Variants in MOXD1 observed in about 807,000 individuals in gnomAD.
The protein encoded by MOXD1 is monooxygenase DBH like 1, also known as DBH-like monooxygenase protein 1.
In MOXD1, 62 loss-of-function variants were observed where a neutral mutation model predicts 66.6. The observed-to-expected ratio is 0.93, with a 90% CI of 0.76 to 1.15. MOXD1 has a LOEUF of 1.15. MOXD1 is among the 50% of genes most tolerant of loss of function. MOXD1 has a pLI of 0.00. For synonymous variants in MOXD1, 303 were observed against 281.9 expected, an observed-to-expected ratio of 1.07 and a Z score of -0.75; for missense variants, 847 against 754.6, an observed-to-expected ratio of 1.12 and a Z score of -1.44.
chr6:132,309,531 A>G (rs1774776039), intron 10 of MOXD1, among the ~76,000 whole-genome samples: 1 of 152,242 alleles, frequency 6.6e-6, no homozygotes, highest in South Asian at 2.1e-4. Flanking sequence ...TTTAAATTTC[A>G]TATGGAATCA....
intron 4 of MOXD1, among the ~76,000 whole-genome samples, chr6:132,362,515 A>T (rs906908357): frequency 6.6e-6 from 1 of 152,156 alleles, no homozygotes; most frequent in Non-Finnish European, 1.5e-5. Context: ...AGATGCCAAC[A>T]CTTCTAGTTT....
chr6:132,359,441 A>G (rs954399427), intron 4 of MOXD1, among the ~76,000 whole-genome samples: 3 of 145,688 alleles, frequency 2.1e-5, no homozygotes, highest in South Asian at 2.2e-4. Context: ...TTTTATTTCT[A>G]TTTTAGAGAA....
chr6:132,309,320 G>A (rs537900473), intron 10 of MOXD1, among the ~76,000 whole-genome samples: 1 of 152,268 alleles, frequency 6.6e-6, no homozygotes, highest in African/African-American at 2.4e-5. Flanking sequence ...CAAGGGATGT[G>A]AAGGACCTCT....
chr6:132,328,114 C>A lies in MOXD1; in HGVS notation c.845G>T (p.Gly282Val). 6.2e-7 allele frequency: 1 copy of A among 1,611,632 alleles called. No individual in the cohort carries two copies. The highest frequency in any genetic ancestry group is 8.5e-7 in the Non-Finnish European group (1 of 1,178,030). The part of the protein sequence containing the change: ...VIFAWAIGGE[G>V]FSYPPHVGLS... ...TCCAACATGAGGTGGATAAGAAAAG[C>A]CCTAAATATGGAAAATGCCATGAGA... Residue 282 changes from glycine to valine, a missense_variant and splice_region_variant, in exon 6 of 12, where the codon GGC becomes GTC. Gly to Val is a moderately radical substitution (Grantham distance 109). Transcript: ENST00000367963.
At chr6:132,331,979 C>A (rs1775329083) in intron 4 of MOXD1, among the ~76,000 whole-genome samples, 2 of 152,124 alleles carry the variant, frequency 1.3e-5, no homozygotes, top group African/African-American at 4.8e-5. Flanking sequence ...TAGCAGGGAC[C>A]ACCACATGCA....
chr6:132,345,220 A>C (rs1014763419), intron 4 of MOXD1, among the ~76,000 whole-genome samples: 2 of 152,196 alleles, frequency 1.3e-5, no homozygotes, highest in African/African-American at 4.8e-5. Context: ...TAAAAGCCTA[A>C]AATAATATTT....
intron 10 of MOXD1, among the ~76,000 whole-genome samples, chr6:132,299,272 TAGAG>T (rs1240782456): frequency 6.6e-6 from 1 of 151,252 alleles, no homozygotes; most frequent in Admixed American, 6.6e-5. Flanking sequence ...TGGGAACTAC[TAGAG>T]AGAGAGGGAG....
At chr6:132,356,808 CA>C (rs1253587058) in intron 4 of MOXD1, among the ~76,000 whole-genome samples, 1 of 151,652 alleles carries the variant, frequency 6.6e-6, no homozygotes, top group Non-Finnish European at 1.5e-5. Context: ...GAGATTAACC[CA>C]AAAAAATCCT....
At chr6:132,308,552 G>A (rs531771988) in intron 10 of MOXD1, among the ~76,000 whole-genome samples, 26 of 152,106 alleles carry the variant, frequency 1.7e-4, no homozygotes, top group African/African-American at 6.0e-4. Context: ...CCAAAACCGG[G>A]AAGAGACACA....
chr6:132,401,248 A>G lies in MOXD1; in HGVS notation c.179T>C (p.Val60Ala). 6.3e-7 allele frequency: 1 copy of G among 1,593,666 alleles called. No individual in the cohort carries two copies. Among genetic ancestry groups the G allele is most frequent in the Non-Finnish European group, 8.5e-7 (1 of 1,176,462 alleles). Residue 60 changes from valine to alanine, a missense_variant, in exon 1 of 12, where the codon GTG becomes GCG. Transcript: ENST00000367963. Reference sequence around the variant, plus strand: ...CCCGGTGGGCGAGAAGCCGAAGCCCACGTAGCCTGCAGTGCGCACCTGGAG... The same window carrying G: ...CCCGGTGGGCGAGAAGCCGAAGCCCGCGTAGCCTGCAGTGCGCACCTGGAG... The part of the protein sequence containing the change: ...FRLQVRTAGY[V>A]GFGFSPTGAM...
chr6:132,375,642 G>C (rs890352624), intron 1 of MOXD1, among the ~76,000 whole-genome samples: 6 of 152,056 alleles, frequency 3.9e-5, no homozygotes, highest in Non-Finnish European at 1.5e-5. Context: ...GGATGGTCTC[G>C]ATCTCCTGAC....
chr6:132,300,515 A>G (rs142117298), intron 10 of MOXD1, among the ~76,000 whole-genome samples: 1 of 152,268 alleles, frequency 6.6e-6, no homozygotes, highest in East Asian at 1.9e-4. Context: ...ACCATCTGAA[A>G]CACCACAAGG....
intron 4 of MOXD1, among the ~76,000 whole-genome samples, chr6:132,333,111 C>T (rs1181398032): frequency 1.3e-5 from 2 of 152,150 alleles, no homozygotes; most frequent in South Asian, 2.1e-4. Context: ...CCGAGGCGGG[C>T]AGATCACAAG....
chr6:132,309,955 G>T (rs1006385657), intron 10 of MOXD1, among the ~76,000 whole-genome samples: 9 of 152,168 alleles, frequency 5.9e-5, no homozygotes, highest in Non-Finnish European at 1.2e-4. Flanking sequence ...AAGACTTCAT[G>T]ACAAAAACGC....
chr6:132,323,276 G>A (rs1582570404), intron 7 of MOXD1, among the ~76,000 whole-genome samples: 1 of 152,192 alleles, frequency 6.6e-6, no homozygotes, highest in East Asian at 1.9e-4. Context: ...TAAATGAATC[G>A]CCCATGGTCC....
At chr6:132,317,126 T>A (rs1427278861) in intron 9 of MOXD1, among the ~76,000 whole-genome samples, 1 of 152,090 alleles carries the variant, frequency 6.6e-6, no homozygotes, top group East Asian at 1.9e-4. Flanking sequence ...AAAAAGATAT[T>A]GAATTATATA....
chr6:132,366,859 G>T (rs1195095521), intron 4 of MOXD1, among the ~76,000 whole-genome samples: 1 of 152,026 alleles, frequency 6.6e-6, no homozygotes, highest in Non-Finnish European at 1.5e-5. Context: ...TTTTCGAGTG[G>T]CTATTTCATG....
At chr6:132,370,889 T>A (rs1223808036) in intron 4 of MOXD1, among the ~76,000 whole-genome samples, 4 of 152,046 alleles carry the variant, frequency 2.6e-5, no homozygotes, top group Non-Finnish European at 5.9e-5. Flanking sequence ...TATAGGAAAG[T>A]TAGTGAAGAA....
At chr6:132,338,982 T>C (rs1006786017) in intron 4 of MOXD1, among the ~76,000 whole-genome samples, 2 of 152,358 alleles carry the variant, frequency 1.3e-5, no homozygotes, top group African/African-American at 2.4e-5. Flanking sequence ...AGTAAGTCTA[T>C]ACAAGTAATC....
Sources: allele counts gnomAD v4.1 joint callset (sites outside exome capture counted in the v4.1 genomes callset), GRCh38; gene constraint gnomAD v4.1.1; transcripts MANE v1.5; gene names NCBI Gene and HGNC (gene_info 2026-07-23, HGNC 2026-07-21).